Variants in FXN observed in about 807,000 individuals in gnomAD.
FXN encodes the protein frataxin.
FXN carries 14 observed loss-of-function variants against 22.4 expected under a neutral mutation model. That is an observed-to-expected ratio of 0.62 (90% CI 0.41 to 0.98). The LOEUF (loss-of-function observed/expected upper bound fraction) is 0.98. Ranked by LOEUF, FXN falls within the 50% of genes least tolerant of loss-of-function variation. The probability of loss-of-function intolerance (pLI) is 0.00; values close to 1 mark genes in which losing one functional copy is unlikely to be tolerated. For missense variants in FXN, 267 were observed against 268.4 expected, an observed-to-expected ratio of 0.99 and a Z score of 0.04; for synonymous variants, 120 against 114.1, an observed-to-expected ratio of 1.05 and a Z score of -0.33.
At chr9:69,047,464 G>C (rs1167864952) in intron 2 of FXN, among the ~76,000 whole-genome samples, 1 of 152,158 alleles carries the variant, frequency 6.6e-6, no homozygotes, top group African/African-American at 2.4e-5. Flanking sequence ...CTGGAGCCCT[G>C]CTGGGCAGCA....
At chr9:69,066,218 A>G (rs975687375) in intron 4 of FXN, among the ~76,000 whole-genome samples, 22 of 152,232 alleles carry the variant, frequency 1.4e-4, no homozygotes, top group Admixed American at 7.2e-4. Context: ...GAATTGGGAA[A>G]GGGCCAGATA....
intron 3 of FXN, among the ~76,000 whole-genome samples, chr9:69,056,773 T>TATCCAACTGCTTTG (rs1348026293): frequency 1.3e-5 from 2 of 150,878 alleles, no homozygotes; most frequent in South Asian, 2.1e-4. Flanking sequence ...GATGGAGTCT[T>TATCCAACTGCTTTG]GCTCTGTTGC....
chr9:69,053,915 G>T (rs1831907480), intron 3 of FXN, among the ~76,000 whole-genome samples: 1 of 152,224 alleles, frequency 6.6e-6, no homozygotes, highest in South Asian at 2.1e-4. Context: ...TATTCCTAGA[G>T]ATTTTGATTA....
At chr9:69,044,713 C>A (rs1831716303) in intron 1 of FXN, among the ~76,000 whole-genome samples, 1 of 152,222 alleles carries the variant, frequency 6.6e-6, no homozygotes, top group South Asian at 2.1e-4. Flanking sequence ...CCTACTCCAG[C>A]TGCACCACTC....
At chr9:69,067,788 C>G (rs1288828408) in intron 4 of FXN, among the ~76,000 whole-genome samples, 3 of 152,194 alleles carry the variant, frequency 2.0e-5, no homozygotes, top group African/African-American at 7.2e-5. Flanking sequence ...TTCACCACTC[C>G]TCAGCTTCTG....
At chr9:69,045,561 C>G (rs1445710521) in intron 1 of FXN, among the ~76,000 whole-genome samples, 1 of 152,164 alleles carries the variant, frequency 6.6e-6, no homozygotes, top group Non-Finnish European at 1.5e-5. Flanking sequence ...CCACTGCACT[C>G]CAGCCTGGGC....
rs552379839 is a variant in FXN, at chr9:69,038,742, C to G, written c.165+2795C>G. 3.3e-5 allele frequency among the ~76,000 whole-genome samples: 5 copies of G among 152,114 alleles called. No homozygotes were observed. The East Asian group carries it at 9.7e-4, about 29-fold the overall frequency. On this transcript the variant is annotated intron_variant, in intron 1 of 4. Transcript: ENST00000484259. ...CTGAGGCATGAGAATCACTTGAGCCCAGGAGGCAGAGGTTGCAGTGAGCCA... is the reference window on the plus strand; with the variant it reads ...CTGAGGCATGAGAATCACTTGAGCCGAGGAGGCAGAGGTTGCAGTGAGCCA...
chr9:69,044,425 C>A (rs1268979073), intron 1 of FXN, among the ~76,000 whole-genome samples: 1 of 152,172 alleles, frequency 6.6e-6, no homozygotes, highest in Non-Finnish European at 1.5e-5. Context: ...CACTGTCCCC[C>A]AGCCCGTTTC....
rs143536099 is a variant in FXN at position 69,075,659 on chromosome 9, G to T, written c.*2897G>T. The stretch of plus-strand genomic sequence containing the variant: ...GTGAAGGATGAGTTTCCAGGAAAAG[G>T]TTATTAAATATTCACTGTAACATAC... On this transcript the variant is annotated 3_prime_UTR_variant, in exon 5 of 5. Coordinates refer to ENST00000484259, the MANE Select transcript of FXN (RefSeq NM_000144.5). 84 of 985,318 alleles carry T rather than the reference G, an allele frequency of 8.5e-5. No homozygotes were observed. In the East Asian group the frequency reaches 8.1e-3, roughly 94 times the overall value. 61.0% of individuals were successfully genotyped at this position (985,318 alleles called of 1,614,324 possible). A position where few individuals can be genotyped will look rare whatever the true frequency, so the allele number is the denominator to read the frequency against.
chr9:69,063,225 G>A (rs1459989748), intron 3 of FXN, among the ~76,000 whole-genome samples: 1 of 152,112 alleles, frequency 6.6e-6, no homozygotes, highest in Non-Finnish European at 1.5e-5. Flanking sequence ...ACTGGCAGCT[G>A]ATACCTGAGA....
intron 2 of FXN, among the ~76,000 whole-genome samples, chr9:69,050,186 AATG>A (rs1190038624): frequency 6.6e-6 from 1 of 152,228 alleles, no homozygotes; most frequent in Non-Finnish European, 1.5e-5. Flanking sequence ...TTTCTATCAC[AATG>A]ATGTTTGTGA....
chr9:69,078,600 A>G lies in FXN; in HGVS notation c.*5838A>G, dbSNP rs1832412424. 3 of 985,628 alleles carry G rather than the reference A, an allele frequency of 3.0e-6. No individual in the cohort carries two copies. Among genetic ancestry groups the G allele is most frequent in the Non-Finnish European group, 3.6e-6 (3 of 829,976 alleles). 61.1% of individuals were successfully genotyped at this position (985,628 alleles called of 1,614,324 possible). ...TGAACTGTTCAGGCACTGACTCTAC[A>G]TATAATTATGCTTTTCTACCCCCTC... is the stretch of plus-strand genomic sequence containing the variant. On this transcript the variant is annotated 3_prime_UTR_variant, in exon 5 of 5. Coordinates refer to ENST00000484259, the MANE Select transcript of FXN (RefSeq NM_000144.5).
intron 3 of FXN, among the ~76,000 whole-genome samples, chr9:69,057,318 C>T (rs1000301834): frequency 1.3e-5 from 2 of 152,184 alleles, no homozygotes; most frequent in African/African-American, 4.8e-5. Flanking sequence ...GCGACAAAAC[C>T]TTCTGCTCCC....
At chr9:69,054,672 A>G (rs1313552327) in intron 3 of FXN, among the ~76,000 whole-genome samples, 3 of 152,070 alleles carry the variant, frequency 2.0e-5, no homozygotes, top group African/African-American at 7.2e-5. Context: ...ACACCCAGCT[A>G]ATTTTTGTAT....
chr9:69,077,487 T>G lies in FXN; in HGVS notation c.*4725T>G, dbSNP rs1388772391. 3 of 985,344 alleles carry G rather than the reference T, an allele frequency of 3.0e-6. No homozygotes were observed. Among genetic ancestry groups the G allele is most frequent in the Non-Finnish European group, 3.6e-6 (3 of 829,964 alleles). 61.0% of individuals were successfully genotyped at this position (985,344 alleles called of 1,614,324 possible). A position where few individuals can be genotyped will look rare whatever the true frequency, so the allele number is the denominator to read the frequency against. On this transcript the variant is annotated 3_prime_UTR_variant, in exon 5 of 5. Coordinates refer to ENST00000484259, the MANE Select transcript of FXN (RefSeq NM_000144.5). ...AAACATCAGCACCCAGCAGTAAAAT[T>G]GGCTCTCAAAGATTTTCTTCTCCTG...
chr9:69,037,007 A>G (rs1159112715), intron 1 of FXN, among the ~76,000 whole-genome samples: 2 of 152,114 alleles, frequency 1.3e-5, no homozygotes, highest in South Asian at 2.1e-4. Context: ...TCCAAGCCAT[A>G]TTTGTGTTGC....
At chr9:69,067,186 A>T (rs1408215805) in intron 4 of FXN, among the ~76,000 whole-genome samples, 2 of 152,186 alleles carry the variant, frequency 1.3e-5, no homozygotes, top group Non-Finnish European at 2.9e-5. Flanking sequence ...TGCCTAACAC[A>T]GCCGTCCCGC....
At position 69,073,979 on chromosome 9, in the gene FXN, T is replaced by G. The variant is rs552064317; in HGVS notation, c.*1217T>G. The G allele has an allele frequency of 3.6e-6, 2 of 556,382 alleles. No individual in the cohort carries two copies. Among genetic ancestry groups the G allele is most frequent in the East Asian group, 3.0e-4 (2 of 6,776 alleles). The allele number at this position is 556,382 out of a possible 1,614,324, so 34.5% of individuals were successfully genotyped here. On this transcript the variant is annotated 3_prime_UTR_variant, in exon 5 of 5. Coordinates refer to ENST00000484259, the MANE Select transcript of FXN (RefSeq NM_000144.5). ...TGGGTGGATCACCTGAGGTCAGGAG[T>G]TCAAGACCAGCCTGGCCAACATGAT...
chr9:69,038,131 T>A (rs1449188550), intron 1 of FXN, among the ~76,000 whole-genome samples: 1 of 152,240 alleles, frequency 6.6e-6, no homozygotes, highest in Non-Finnish European at 1.5e-5. Context: ...CTGGGCCTCT[T>A]TTTTTCTATA....
Sources: gnomAD v4.1 joint callset for allele counts (sites outside exome capture counted in the v4.1 genomes callset) on GRCh38, gnomAD v4.1.1 for gene constraint, MANE v1.5 for transcripts, NCBI Gene and HGNC (gene_info 2026-07-23, HGNC 2026-07-21) for gene names.